ABHD17C: variants seen among roughly 807,000 people sequenced by gnomAD.
ABHD17C encodes the protein abhydrolase domain containing 17C, depalmitoylase, also known as alpha/beta hydrolase domain-containing protein 17C.
A neutral mutation model predicts 27.9 loss-of-function variants in ABHD17C; 11 were observed. The observed-to-expected ratio is 0.39, with a 90% CI of 0.25 to 0.65. The LOEUF (loss-of-function observed/expected upper bound fraction) is 0.65. Ranked by LOEUF, ABHD17C falls within the 30% of genes least tolerant of loss-of-function variation. The pLI is 0.45. For missense variants in ABHD17C, 280 were observed against 470.2 expected, an observed-to-expected ratio of 0.60 and a Z score of 3.74; for synonymous variants, 233 against 209.1, an observed-to-expected ratio of 1.11 and a Z score of -0.98.
rs777553371 is a variant in ABHD17C, at chr15:80,696,008, G to T, written c.579G>T (p.Ala193=). The T allele has an allele frequency of 5.7e-6, 9 of 1,573,862 alleles. No individual in the cohort carries two copies. The Admixed American group carries it at 1.6e-4, about 28-fold the overall frequency. The change falls in exon 1 of 3, where the codon GCG becomes GCT. Residue 193 remains alanine (A), a synonymous_variant. Coordinates refer to ENST00000258884, the MANE Select transcript of ABHD17C (RefSeq NM_021214.2). ...LYADIDAAWQ[A]LRTRYGVSPE... is the part of the protein sequence containing the mutation. ...CCGACATCGACGCCGCGTGGCAGGC[G>T]CTGCGCACCCGGTGAGCCTGCCGGG...
chr15:80,733,130 T>C (rs1238637018), intron 1 of ABHD17C, among the ~76,000 whole-genome samples: 2 of 152,198 alleles, frequency 1.3e-5, no homozygotes, highest in Non-Finnish European at 2.9e-5. Context: ...TCAGACCTTG[T>C]GCTGTCTGAT....
At chr15:80,748,554 T>G (rs1402778915) in intron 1 of ABHD17C, among the ~76,000 whole-genome samples, 1 of 152,132 alleles carries the variant, frequency 6.6e-6, no homozygotes, top group East Asian at 1.9e-4. Context: ...GTATTAGACA[T>G]TCGTCTTCAT....
intron 1 of ABHD17C, among the ~76,000 whole-genome samples, chr15:80,700,532 C>A (rs1295984027): frequency 6.6e-6 from 1 of 152,332 alleles, no homozygotes; most frequent in Non-Finnish European, 1.5e-5. Flanking sequence ...TAAGACTCTT[C>A]AGTGCCTTTA....
intron 1 of ABHD17C, among the ~76,000 whole-genome samples, chr15:80,745,133 A>G (rs1049957886): frequency 6.6e-6 from 1 of 152,178 alleles, no homozygotes; most frequent in Admixed American, 6.5e-5. Context: ...TAAAAGGAAC[A>G]CTTGTGGTGT....
chr15:80,732,449 T>G (rs530112312), intron 1 of ABHD17C, among the ~76,000 whole-genome samples: 54 of 152,340 alleles, frequency 3.5e-4, no homozygotes, highest in African/African-American at 1.3e-3. Flanking sequence ...GAGCTTTAGT[T>G]TCCTTCTCTA....
intron 1 of ABHD17C, among the ~76,000 whole-genome samples, chr15:80,696,776 G>A (rs1389262248): frequency 6.6e-6 from 1 of 152,180 alleles, no homozygotes; most frequent in Non-Finnish European, 1.5e-5. Context: ...CAAACTGGGG[G>A]CATGGTTTAG....
chr15:80,706,252 A>G (rs1196907517), intron 1 of ABHD17C, among the ~76,000 whole-genome samples: 1 of 152,146 alleles, frequency 6.6e-6, no homozygotes, highest in Non-Finnish European at 1.5e-5. Context: ...CTCCCACGTT[A>G]TTGATTCACT....
chr15:80,700,027 GGTCACCTTA>G (rs1366140891), intron 1 of ABHD17C, among the ~76,000 whole-genome samples: 1 of 152,200 alleles, frequency 6.6e-6, no homozygotes, highest in Non-Finnish European at 1.5e-5. Flanking sequence ...TGAAAATCAG[GGTCACCTTA>G]TTGGAGTGTA....
chr15:80,750,199 T>C (rs1895347704), intron 2 of ABHD17C, among the ~76,000 whole-genome samples: 1 of 152,138 alleles, frequency 6.6e-6, no homozygotes, highest in Non-Finnish European at 1.5e-5. Flanking sequence ...TCTTTGTAAA[T>C]AGAAGAATAA....
rs115182519 is a variant in ABHD17C, at chr15:80,749,606, G to A, written c.684G>A (p.Ala228=). ...VDLASRYECA[A]VILHSPLMSG... ...TGGCCTCGAGGTATGAATGCGCAGCGGTAATTCTCCATTCCCCTCTGATGT... is the reference window on the plus strand; with the variant it reads ...TGGCCTCGAGGTATGAATGCGCAGCAGTAATTCTCCATTCCCCTCTGATGT... The change falls in exon 2 of 3, where the codon GCG becomes GCA. Residue 228 remains alanine, a synonymous_variant. Coordinates refer to ENST00000258884, the MANE Select transcript of ABHD17C (RefSeq NM_021214.2). 8.3e-4 allele frequency: 1,333 copies of A among 1,613,868 alleles called. 11 individuals carry two copies. In the African/African-American group the frequency reaches 0.016, roughly 19 times the overall value.
chr15:80,707,487 T>C (rs1044802930), intron 1 of ABHD17C, among the ~76,000 whole-genome samples: 3 of 152,164 alleles, frequency 2.0e-5, no homozygotes, highest in Non-Finnish European at 4.4e-5. Flanking sequence ...ATCTTTTGGC[T>C]TCCCTGGGCC....
intron 1 of ABHD17C, among the ~76,000 whole-genome samples, chr15:80,736,838 G>A (rs764172304): frequency 1.1e-4 from 17 of 152,162 alleles, no homozygotes; most frequent in Non-Finnish European, 2.2e-4. Flanking sequence ...GTTCATGGTT[G>A]TAGAAGGAAA....
intron 1 of ABHD17C, among the ~76,000 whole-genome samples, chr15:80,748,063 T>A (rs1220196553): frequency 6.6e-6 from 1 of 152,180 alleles, no homozygotes; most frequent in Admixed American, 6.5e-5. Context: ...CTCACCTCCA[T>A]GTGTTTAATT....
At chr15:80,739,693 CTGGTCCCA>C (rs1341120651) in intron 1 of ABHD17C, among the ~76,000 whole-genome samples, 10 of 152,234 alleles carry the variant, frequency 6.6e-5, no homozygotes, top group Non-Finnish European at 1.3e-4. Context: ...GGAGCAAGTA[CTGGTCCCA>C]TGCTTGTACA....
intron 1 of ABHD17C, among the ~76,000 whole-genome samples, chr15:80,740,756 G>A (rs1270282853): frequency 1.3e-5 from 2 of 152,136 alleles, no homozygotes; most frequent in Admixed American, 6.5e-5. Flanking sequence ...AGAACCTGCC[G>A]TGGGACCCAA....
chr15:80,735,025 G>A (rs1269870928), intron 1 of ABHD17C, among the ~76,000 whole-genome samples: 1 of 152,156 alleles, frequency 6.6e-6, no homozygotes, highest in African/African-American at 2.4e-5. Flanking sequence ...AGCCTCTGCT[G>A]TTAGCTCTGC....
At chr15:80,713,999 GC>G (rs1401536420) in intron 1 of ABHD17C, among the ~76,000 whole-genome samples, 41 of 151,326 alleles carry the variant, frequency 2.7e-4, no homozygotes, top group Middle Eastern at 3.4e-3. Context: ...TGTCACCCAG[GC>G]TGGAGTGCAG....
chr15:80,697,822 G>A (rs746990934), intron 1 of ABHD17C, among the ~76,000 whole-genome samples: 1 of 152,112 alleles, frequency 6.6e-6, no homozygotes, highest in Non-Finnish European at 1.5e-5. Flanking sequence ...TTATTCACCT[G>A]TAAAAAAGGT....
intron 1 of ABHD17C, among the ~76,000 whole-genome samples, chr15:80,724,436 A>G (rs756350160): frequency 6.6e-6 from 1 of 152,170 alleles, no homozygotes; most frequent in Non-Finnish European, 1.5e-5. Flanking sequence ...GCAGTGTAAT[A>G]ATTTATTAAT....
Sources: allele counts gnomAD v4.1 joint callset (sites outside exome capture counted in the v4.1 genomes callset), GRCh38; gene constraint gnomAD v4.1.1; transcripts MANE v1.5; gene names NCBI Gene and HGNC (gene_info 2026-07-23, HGNC 2026-07-21).